MYLK4: variants seen among roughly 807,000 people sequenced by gnomAD.
MYLK4 encodes caMLCK like.
In MYLK4, 46 loss-of-function variants were observed where a neutral mutation model predicts 48.1. The observed-to-expected ratio is 0.96, with a 90% CI of 0.75 to 1.22. MYLK4 has a LOEUF of 1.22. Ranked by LOEUF, MYLK4 falls within the 50% of genes most tolerant of loss-of-function variation. The pLI is 0.00. For synonymous variants in MYLK4, 170 were observed against 180.8 expected, an observed-to-expected ratio of 0.94 and a Z score of 0.48; for missense variants, 451 against 486.1, an observed-to-expected ratio of 0.93 and a Z score of 0.68.
rs1339182940 is a variant in MYLK4 at position 2,665,410 on chromosome 6, T to G, written c.*2515A>C. ...CTCAGCACTCATATAAAAGGCACCC[T>G]GCTGGCATGGAGATGCCTTCCCATT... On this transcript the variant is annotated 3_prime_UTR_variant, in exon 13 of 13. Transcript: ENST00000274643. 2.6e-5 allele frequency: 4 copies of G among 152,272 alleles called. No homozygotes were observed. Among genetic ancestry groups the G allele is most frequent in the Non-Finnish European group, 5.9e-5 (4 of 68,070 alleles). 9.4% of individuals were successfully genotyped at this position (152,272 alleles called of 1,614,324 possible). A position where few individuals can be genotyped will look rare whatever the true frequency, so the allele number is the denominator to read the frequency against.
chr6:2,765,845 T>C, the MYLK4 span: 1 of 1,401,594 alleles, frequency 7.1e-7, no homozygotes, highest in Non-Finnish European at 9.3e-7. Context: ...GCGGCGGCTG[T>C]CGGAGAGCTC....
At chr6:2,765,902 G>T in the MYLK4 span, 1 of 1,457,142 alleles carries the variant, frequency 6.9e-7, no homozygotes, top group Non-Finnish European at 9.0e-7. Context: ...GAGCAGCGAG[G>T]GCGAGGGTGA....
At chr6:2,689,175 C>T (rs1469410917) in intron 3 of MYLK4, among the ~76,000 whole-genome samples, 6 of 152,074 alleles carry the variant, frequency 3.9e-5, no homozygotes, top group Admixed American at 6.6e-5. Flanking sequence ...AGTGTCAGGG[C>T]GGCTCAATGG....
intron 2 of MYLK4, among the ~76,000 whole-genome samples, chr6:2,707,347 C>A (rs1361619785): frequency 5.9e-5 from 9 of 152,144 alleles, no homozygotes; most frequent in Non-Finnish European, 1.3e-4. Flanking sequence ...ATTTAACAAT[C>A]ACTGTAAAAT....
At chr6:2,765,858 C>G in the MYLK4 span, 5 of 1,439,384 alleles carry the variant, frequency 3.5e-6, no homozygotes, top group Middle Eastern at 2.5e-4. Context: ...GAGAGCTCGG[C>G]GCTGAAGCAG....
At chr6:2,714,568 G>C (rs1762799776) in intron 2 of MYLK4, among the ~76,000 whole-genome samples, 1 of 152,158 alleles carries the variant, frequency 6.6e-6, no homozygotes, top group Non-Finnish European at 1.5e-5. Flanking sequence ...CGCCTGTCCT[G>C]CATCAGAATT....
chr6:2,708,107 A>G (rs531717062), intron 2 of MYLK4, among the ~76,000 whole-genome samples: 1 of 152,296 alleles, frequency 6.6e-6, no homozygotes, highest in Non-Finnish European at 1.5e-5. Context: ...TCTCAAAACA[A>G]TGTTTTATTT....
upstream of MYLK4, among the ~76,000 whole-genome samples, chr6:2,755,100 C>A (rs1029913942): frequency 1.3e-5 from 2 of 151,474 alleles, no homozygotes; most frequent in African/African-American, 4.9e-5. Context: ...CTAAGTATTA[C>A]GAAATACAAA....
chr6:2,707,796 T>C (rs1762543160), intron 2 of MYLK4, among the ~76,000 whole-genome samples: 1 of 152,160 alleles, frequency 6.6e-6, no homozygotes, highest in Non-Finnish European at 1.5e-5. Flanking sequence ...TCTATAAAAT[T>C]GAGACTTCAG....
chr6:2,699,985 T>A (rs1450745639), intron 2 of MYLK4, among the ~76,000 whole-genome samples: 1 of 152,160 alleles, frequency 6.6e-6, no homozygotes, highest in Non-Finnish European at 1.5e-5. Context: ...AAATTAAGAA[T>A]CTTCACCTAC....
chr6:2,768,654 CCAGCTTTT>C, the MYLK4 span: 1 of 1,549,566 alleles, frequency 6.5e-7, no homozygotes, highest in Non-Finnish European at 8.7e-7. Context: ...CTGTGTCTTA[CCAGCTTTT>C]CAAACTCCAT....
At chr6:2,686,778 C>A (rs1050284665) in intron 4 of MYLK4, among the ~76,000 whole-genome samples, 2 of 152,216 alleles carry the variant, frequency 1.3e-5, no homozygotes, top group Non-Finnish European at 2.9e-5. Context: ...AACGTAGCCA[C>A]GGCGTGACTT....
At chr6:2,680,183 C>G (rs1761237911) in intron 8 of MYLK4, 38 bp downstream of exon 8, 3 of 1,610,650 alleles carry the variant, frequency 1.9e-6, no homozygotes, top group Non-Finnish European at 2.5e-6. Context: ...ATCATGTCCC[C>G]CAGCTCCATT....
Position 2,678,308 on chromosome 6 carries a change from A to G in MYLK4, c.952T>C (p.Cys318Arg). 1 of 1,614,000 alleles carries G rather than the reference A, an allele frequency of 6.2e-7. No individual in the cohort carries two copies. ...DAETLNNILA[C>R]RWDLEDEEFQ... Reference sequence around the variant, plus strand: ...TCTTCATCCTCTAAGTCCCACCTGCAGGCCAGGATGTTGTTCAGCGTCTCA... The same window carrying G: ...TCTTCATCCTCTAAGTCCCACCTGCGGGCCAGGATGTTGTTCAGCGTCTCA... The change falls in exon 10 of 13, where the codon TGC (cysteine) becomes CGC (arginine). Residue 318 changes from cysteine (C) to arginine (R), a missense_variant. Physicochemically the swap from Cys to Arg is radical, Grantham distance 180. Transcript: ENST00000274643.
In MYLK4 at chr6:2,731,478, G is replaced by A. The variant is rs191898257; in HGVS notation, c.159+17658C>T. Among the ~76,000 whole-genome samples, 5 of 152,278 alleles carry A rather than the reference G, an allele frequency of 3.3e-5. No individual in the cohort carries two copies. In the South Asian group the frequency reaches 6.2e-4, roughly 19 times the overall value. ...ACCCCATGCTGAGCCTTTGCTGAGC[G>A]CCTCCTATGTGCCCTGGCTTTAGTC... On this transcript the variant is annotated intron_variant, in intron 2 of 12. Coordinates refer to ENST00000274643, the MANE Select transcript of MYLK4 (RefSeq NM_001012418.5).
In MYLK4 at chr6:2,665,671, G is replaced by A. The variant is rs534272264; in HGVS notation, c.*2254C>T. 6.6e-6 allele frequency: 1 copy of A among 152,318 alleles called. No individual in the cohort carries two copies. Among genetic ancestry groups the A allele is most frequent in the East Asian group, 1.9e-4 (1 of 5,168 alleles). The allele number at this position is 152,318 out of a possible 1,614,324, so 9.4% of individuals were successfully genotyped here. ...TCAGAAGGGAAGGTGGATGCAAATT[G>A]CACGTCGTGCAAAAGATCTCCTGCT... On this transcript the variant is annotated 3_prime_UTR_variant, in exon 13 of 13. Transcript: ENST00000274643.
At chr6:2,676,805 G>A (rs571113867) in intron 10 of MYLK4, among the ~76,000 whole-genome samples, 1 of 152,274 alleles carries the variant, frequency 6.6e-6, no homozygotes, top group East Asian at 1.9e-4. Context: ...GTTTCCCCAT[G>A]TGTAAAATGA....
the MYLK4 span, among the ~76,000 whole-genome samples, chr6:2,766,721 T>G: frequency 6.6e-6 from 1 of 152,218 alleles, no homozygotes; most frequent in Non-Finnish European, 1.5e-5. Context: ...TGTGGACTCT[T>G]AGATTTGATC....
chr6:2,681,689 C>T (rs187950116), intron 7 of MYLK4, among the ~76,000 whole-genome samples: 107 of 152,234 alleles, frequency 7.0e-4, no homozygotes, highest in Non-Finnish European at 1.2e-3. Context: ...TATTTTTGGC[C>T]CTTTTCCTTC....
Sources: gnomAD v4.1 joint callset for allele counts (sites outside exome capture counted in the v4.1 genomes callset) on GRCh38, gnomAD v4.1.1 for gene constraint, MANE v1.5 for transcripts, NCBI Gene and HGNC (gene_info 2026-07-23, HGNC 2026-07-21) for gene names.